Variants in MCTP1 observed in about 807,000 individuals in gnomAD.
MCTP1 encodes the protein multiple C2 and transmembrane domain-containing protein 1.
In MCTP1, 69 loss-of-function variants were observed where a neutral mutation model predicts 120.6. The observed-to-expected ratio is 0.57, with a 90% CI of 0.47 to 0.70. The LOEUF (loss-of-function observed/expected upper bound fraction) is 0.70, where lower values mean the gene tolerates loss of function less well. Among genes scored for constraint, MCTP1 ranks in the 30% least tolerant of loss-of-function variants. The probability of loss-of-function intolerance (pLI) is 0.00; values close to 1 mark genes in which losing one functional copy is unlikely to be tolerated. For synonymous variants in MCTP1, 529 were observed against 493.1 expected (o/e 1.07, Z -0.96); for missense variants, 1,203 against 1,248.8 (o/e 0.96, Z 0.55).
chr5:94,949,724 G>A (rs1343920292), intron 3 of MCTP1, among the ~76,000 whole-genome samples: 2 of 152,064 alleles, frequency 1.3e-5, no homozygotes, highest in African/African-American at 4.8e-5. Flanking sequence ...TTATAGATAG[G>A]AGGGTCGTAT....
At chr5:94,747,224 G>A (rs541101924) in intron 19 of MCTP1, among the ~76,000 whole-genome samples, 2 of 151,898 alleles carry the variant, frequency 1.3e-5, no homozygotes, top group African/African-American at 4.9e-5. Context: ...ATGGAAAACT[G>A]ATTGCTACAA....
chr5:94,914,765 C>T (rs1245724533), intron 8 of MCTP1, among the ~76,000 whole-genome samples: 1 of 152,202 alleles, frequency 6.6e-6, no homozygotes, highest in Non-Finnish European at 1.5e-5. Context: ...GTCTGTTCTC[C>T]ATATTGGATT....
chr5:95,208,074 A>T (rs898729767), intron 1 of MCTP1, among the ~76,000 whole-genome samples: 1 of 151,934 alleles, frequency 6.6e-6, no homozygotes, highest in African/African-American at 2.4e-5. Context: ...CAATAACAAG[A>T]AACAGATTAC....
chr5:94,862,876 A>C (rs562117148), intron 17 of MCTP1, among the ~76,000 whole-genome samples: 1 of 151,830 alleles, frequency 6.6e-6, no homozygotes, highest in Non-Finnish European at 1.5e-5. Context: ...TGGGTGCACA[A>C]TCTATTTACT....
At chr5:95,231,676 T>A (rs1048004234) in intron 1 of MCTP1, among the ~76,000 whole-genome samples, 2 of 152,190 alleles carry the variant, frequency 1.3e-5, no homozygotes, top group African/African-American at 4.8e-5. Context: ...GTACCAGAAA[T>A]GATAACTATA....
intron 1 of MCTP1, among the ~76,000 whole-genome samples, chr5:95,182,554 T>C (rs1182977954): frequency 6.6e-6 from 1 of 152,208 alleles, no homozygotes; most frequent in African/African-American, 2.4e-5. Context: ...GATTTTTTAA[T>C]ATCAAAATGT....
intron 2 of MCTP1, among the ~76,000 whole-genome samples, chr5:94,998,202 A>C (rs1184316584): frequency 1.3e-5 from 2 of 152,216 alleles, no homozygotes; most frequent in Admixed American, 6.5e-5. Flanking sequence ...AAAAATAAGC[A>C]AACAGGAAGA....
At chr5:94,826,831 T>C in intron 17 of MCTP1, 1 of 281,590 alleles carries the variant, frequency 3.6e-6, no homozygotes, top group South Asian at 8.9e-5. Flanking sequence ...TGGTAAATCT[T>C]CCTCCATCCC....
chr5:94,840,830 G>A (rs1330218167), intron 17 of MCTP1, among the ~76,000 whole-genome samples: 2 of 152,182 alleles, frequency 1.3e-5, no homozygotes, highest in Non-Finnish European at 2.9e-5. Context: ...GTTGCTATCT[G>A]GAATATAAGA....
chr5:94,746,657 TGAACTTA>T (rs1766966613), intron 19 of MCTP1, among the ~76,000 whole-genome samples: 1 of 152,256 alleles, frequency 6.6e-6, no homozygotes, highest in African/African-American at 2.4e-5. Flanking sequence ...CTCTTTAAAA[TGAACTTA>T]ATTTCCTGTT....
At chr5:95,007,973 T>C (rs1835099777) in intron 2 of MCTP1, among the ~76,000 whole-genome samples, 1 of 152,152 alleles carries the variant, frequency 6.6e-6, no homozygotes, top group Admixed American at 6.5e-5. Flanking sequence ...ATAAACAGGT[T>C]CATTTTGTTA....
chr5:94,862,359 A>G (rs1408344259), intron 17 of MCTP1, among the ~76,000 whole-genome samples: 1 of 151,844 alleles, frequency 6.6e-6, no homozygotes, highest in Non-Finnish European at 1.5e-5. Flanking sequence ...CTCCCTCCAA[A>G]GAGCAGAAAG....
At chr5:94,887,362 C>A (rs1250612648) in intron 12 of MCTP1, among the ~76,000 whole-genome samples, 1 of 151,964 alleles carries the variant, frequency 6.6e-6, no homozygotes, top group African/African-American at 2.4e-5. Context: ...GCACACAGGC[C>A]AACTGGGTTA....
intron 17 of MCTP1, chr5:94,867,323 A>C: frequency 6.5e-7 from 1 of 1,532,606 alleles, no homozygotes; most frequent in Non-Finnish European, 8.7e-7. Context: ...TACAACACAA[A>C]GGGACGTAGA....
At chr5:94,832,070 A>C (rs1788636580) in intron 17 of MCTP1, among the ~76,000 whole-genome samples, 1 of 152,236 alleles carries the variant, frequency 6.6e-6, no homozygotes. Flanking sequence ...TTAGGGTATT[A>C]AAAGATTTTT....
intron 1 of MCTP1, among the ~76,000 whole-genome samples, chr5:95,242,604 A>C (rs1314529298): frequency 6.6e-6 from 1 of 152,204 alleles, no homozygotes; most frequent in East Asian, 1.9e-4. Context: ...AAATCTTAAA[A>C]TTATTACACT....
intron 19 of MCTP1, among the ~76,000 whole-genome samples, chr5:94,720,022 A>T (rs1004461893): frequency 7.9e-5 from 12 of 152,094 alleles, no homozygotes; most frequent in Non-Finnish European, 1.6e-4. Flanking sequence ...GCTACTCAGG[A>T]GGCTGAGGCA....
chr5:95,106,495 T>C (rs1435812335), intron 1 of MCTP1, among the ~76,000 whole-genome samples: 2 of 152,234 alleles, frequency 1.3e-5, no homozygotes, highest in African/African-American at 4.8e-5. Context: ...TCTGAAGCCA[T>C]GTTTATCTCT....
chr5:94,823,840 CTGTT>C (rs1269641248), intron 17 of MCTP1, among the ~76,000 whole-genome samples: 2 of 152,104 alleles, frequency 1.3e-5, no homozygotes, highest in Non-Finnish European at 2.9e-5. Context: ...ATTTGGCTCT[CTGTT>C]TGTCTATTAT....
Sources: allele counts gnomAD v4.1 joint callset (sites outside exome capture counted in the v4.1 genomes callset), GRCh38; gene constraint gnomAD v4.1.1; transcripts MANE v1.5; gene names NCBI Gene and HGNC (gene_info 2026-07-23, HGNC 2026-07-21).